DDX5: variants seen among roughly 807,000 people sequenced by gnomAD.
The protein encoded by DDX5 is DEAD-box helicase 5.
A neutral mutation model predicts 68.6 loss-of-function variants in DDX5; 6 were observed. The observed-to-expected ratio is 0.09, with a 90% CI of 0.05 to 0.17. The LOEUF (loss-of-function observed/expected upper bound fraction) is 0.17, where lower values mean the gene tolerates loss of function less well. DDX5 is among the 10% of genes least tolerant of loss of function. The pLI is 1.00. For missense variants in DDX5, 499 were observed against 756.1 expected (o/e 0.66, Z 3.99); for synonymous variants, 350 against 247.0 (o/e 1.42, Z -3.91).
rs139967983 is a variant in DDX5, at chr17:64,498,699, C to CAA, written c.*1222_*1223dup. ...AGTCTCCTGAAGACCTCTCTTCTGG[C>CAA]AAAAAAAAACACGTATCAGACTCTG... is the stretch of plus-strand genomic sequence containing the variant. On this transcript the variant is annotated 3_prime_UTR_variant, in exon 13 of 13. Transcript: ENST00000225792. Among the ~76,000 whole-genome samples, 9 of 149,420 alleles carry CAA rather than the reference C, an allele frequency of 6.0e-5. No homozygotes were observed. The highest frequency in any genetic ancestry group is 2.0e-4 in the African/African-American group (8 of 40,716).
chr17:64,502,564 GAGAA>G lies in DDX5; in HGVS notation c.984-19_984-16del, dbSNP rs2038323521. ...GACGAATAAGTCTAATAATAGGAGA[GAGAA>G]AGGAAAAATCCTGAGTTTTAAAAGA... On this transcript the variant is annotated splice_polypyrimidine_tract_variant and intron_variant, in intron 8 of 12. Transcript: ENST00000225792. 16 of 1,572,808 alleles carry G rather than the reference GAGAA, an allele frequency of 1.0e-5. No individual in the cohort carries two copies. Among genetic ancestry groups the G allele is most frequent in the Non-Finnish European group, 1.3e-5 (15 of 1,146,324 alleles).
upstream of DDX5, chr17:64,506,490 C>G: frequency 2.1e-6 from 2 of 943,698 alleles, no homozygotes; most frequent in Non-Finnish European, 2.9e-6. Context: ...TGGAATGCCT[C>G]ATTCTGCACT....
At position 64,498,764 on chromosome 17, in the gene DDX5, AATG is replaced by A. The variant is rs1197337927; in HGVS notation, c.*1156_*1158del. On this transcript the variant is annotated 3_prime_UTR_variant, in exon 13 of 13. Transcript: ENST00000225792. ...CCCACTTCTAGCTATTACTGAAATA[AATG>A]ATTAGAAAGTTACGTTGGTGAGCCG... Among the ~76,000 whole-genome samples the A allele has an allele frequency of 6.6e-6, 1 of 152,236 alleles. No individual in the cohort carries two copies. The highest frequency in any genetic ancestry group is 1.9e-4 in the East Asian group (1 of 5,202).
In DDX5 at chr17:64,503,233, A is replaced by G. The variant is rs2038342734; in HGVS notation, c.765T>C (p.Asp255=). The change falls in exon 7 of 13, where the codon GAT becomes GAC. Residue 255 remains aspartate, a synonymous_variant. Transcript: ENST00000225792. ...TCCTTATTTGGGGTTCAAAGCCCAT[A>G]TCAAGCATTCTATCTGCTTCATCAA... The part of the protein sequence containing the change: ...LVLDEADRML[D]MGFEPQIRKI... 1 of 1,614,064 alleles carries G rather than the reference A, an allele frequency of 6.2e-7. No individual in the cohort carries two copies. The highest frequency in any genetic ancestry group is 8.5e-7 in the Non-Finnish European group (1 of 1,180,044).
chr17:64,504,009 G>A lies in DDX5; in HGVS notation c.415C>T (p.Gln139Ter). 6.2e-7 allele frequency: 1 copy of A among 1,614,160 alleles called. No individual in the cohort carries two copies. Residue 139 changes from glutamine (Q) to a stop codon, truncating the protein, a stop_gained, in exon 4 of 13, where the codon CAG (glutamine) becomes TAG (stop). Transcript: ENST00000225792. LOFTEE classifies it high-confidence loss of function. Reference protein sequence around the residue: ...LSGLDMVGVAQTGSGKTLSYL... With the variant: ...LSGLDMVGVA ...GACAATGTTTTCCCAGATCCAGTCTGTGCCACTCCAACCATATCCAATCCA... is the reference window on the plus strand; with the variant it reads ...GACAATGTTTTCCCAGATCCAGTCTATGCCACTCCAACCATATCCAATCCA...
intron 8 of DDX5, 75 bp from the exon 9 acceptor site, chr17:64,502,624 C>A (rs1334211904): frequency 9.2e-7 from 1 of 1,086,858 alleles, no homozygotes; most frequent in East Asian, 2.4e-5. Context: ...TTATGGTCAG[C>A]AAAACATTAA....
intron 2 of DDX5, 128 bp downstream of exon 2, chr17:64,504,549 T>C (rs1251775776): frequency 1.0e-5 from 12 of 1,188,708 alleles, no homozygotes; most frequent in Non-Finnish European, 1.3e-5. Flanking sequence ...GTCACACCTT[T>C]CCCAATTATG....
chr17:64,505,878 C>G, intron 1 of DDX5, 198 bp downstream of exon 1: 1 of 1,536,010 alleles, frequency 6.5e-7, no homozygotes, highest in East Asian at 2.4e-5. Context: ...AAAAAGCAAG[C>G]TTGAAGACAC....
At chr17:64,506,663 C>CTTTTTTTTAATGAT, upstream of DDX5, 1 of 370,388 alleles carries the variant, frequency 2.7e-6, no homozygotes, top group Non-Finnish European at 5.0e-6. Context: ...CTGGCGTTGT[C>CTTTTTTTTAATGAT]ACGTGGCTGT....
At position 64,503,172 on chromosome 17, in the gene DDX5, T is replaced by G; in HGVS notation, c.810+16A>C. ...AACACAATTCAGTTTGATCACATAT[T>G]TCAAAGGACACTTACTCTTATTTGA... On this transcript the variant is annotated intron_variant, in intron 7 of 12. Coordinates refer to ENST00000225792, the MANE Select transcript of DDX5 (RefSeq NM_004396.5). 1.9e-6 allele frequency: 3 copies of G among 1,613,730 alleles called. No homozygotes were observed. Among genetic ancestry groups the G allele is most frequent in the Non-Finnish European group, 2.5e-6 (3 of 1,179,784 alleles).
chr17:64,499,901 A>G lies in DDX5; in HGVS notation c.*22T>C. The G allele has an allele frequency of 6.5e-7, 1 of 1,537,644 alleles. No individual in the cohort carries two copies. The highest frequency in any genetic ancestry group is 8.8e-7 in the Non-Finnish European group (1 of 1,142,260). On this transcript the variant is annotated 3_prime_UTR_variant, in exon 13 of 13. Transcript: ENST00000225792. ...TAAAGAGCAATTATGAAAAACAGACATTTACATATACTTCTAAAGTCTTAT... is the reference window on the plus strand; with the variant it reads ...TAAAGAGCAATTATGAAAAACAGACGTTTACATATACTTCTAAAGTCTTAT...
Position 64,498,604 on chromosome 17 carries a change from C to T in DDX5, c.*1319G>A, listed in dbSNP as rs782405623. 6.6e-6 allele frequency among the ~76,000 whole-genome samples: 1 copy of T among 152,144 alleles called. No homozygotes were observed. The highest frequency in any genetic ancestry group is 1.5e-5 in the Non-Finnish European group (1 of 68,024). ...CTCCCTATCCCAGCCCTAGCAAATT[C>T]TAACTTTACATTTGACATAAGGCAT... On this transcript the variant is annotated 3_prime_UTR_variant, in exon 13 of 13. Coordinates refer to ENST00000225792, the MANE Select transcript of DDX5 (RefSeq NM_004396.5).
intron 9 of DDX5, 60 bp from the exon 10 acceptor site, chr17:64,502,283 T>C: frequency 6.4e-7 from 1 of 1,570,042 alleles, no homozygotes; most frequent in Non-Finnish European, 8.8e-7. Context: ...ACTCCAGTGC[T>C]TGACCACTTT....
intron 1 of DDX5, 140 bp from the exon 2 acceptor site, chr17:64,504,982 ATCTC>A (rs1555671910): frequency 1.7e-4 from 115 of 667,818 alleles, no homozygotes; most frequent in East Asian, 1.3e-3. Context: ...CTTCGTGAAA[ATCTC>A]TCTCTCTCTC....
chr17:64,506,438 C>T (rs568020733), upstream of DDX5: 977 of 1,344,348 alleles, frequency 7.3e-4, 2 homozygotes, highest in Non-Finnish European at 9.0e-4. Flanking sequence ...GCGCTTTCAC[C>T]CCTCCCCGCG....
At position 64,503,110 on chromosome 17, in the gene DDX5, T is replaced by A; in HGVS notation, c.811-12A>T. On this transcript the variant is annotated splice_polypyrimidine_tract_variant and intron_variant, in intron 7 of 12. Transcript: ENST00000225792. ...GTTTGCCTATCAGGCTAATGGATTT[T>A]GGGGGGAAAAATTAGTATCAGACTC... The A allele has an allele frequency of 6.2e-7, 1 of 1,611,654 alleles. No individual in the cohort carries two copies. The highest frequency in any genetic ancestry group is 1.1e-5 in the South Asian group (1 of 90,954).
chr17:64,503,126 T>A (rs1555671420), intron 7 of DDX5, 28 bp from the exon 8 acceptor site: 1 of 1,611,886 alleles, frequency 6.2e-7, no homozygotes, highest in East Asian at 2.2e-5. Context: ...GAAAAATTAG[T>A]ATCAGACTCT....
chr17:64,503,640 A>G, intron 5 of DDX5, 69 bp from the exon 6 acceptor site: 3 of 1,588,386 alleles, frequency 1.9e-6, no homozygotes, highest in South Asian at 2.3e-5. Context: ...TTATTATACT[A>G]GCAGATCCTT....
upstream of DDX5, chr17:64,506,393 T>C (rs551784422): frequency 1.5e-5 from 21 of 1,398,046 alleles, no homozygotes; most frequent in Non-Finnish European, 1.9e-5. Flanking sequence ...CCCTCGCGCA[T>C]AGGCCGCAAC....
Sources: allele counts gnomAD v4.1 joint callset (sites outside exome capture counted in the v4.1 genomes callset), GRCh38; gene constraint gnomAD v4.1.1; transcripts MANE v1.5; gene names NCBI Gene and HGNC (gene_info 2026-07-23, HGNC 2026-07-21).